AGAP3: variants seen among roughly 807,000 people sequenced by gnomAD.
The protein encoded by AGAP3 is arf-GAP with GTPase, ANK repeat and PH domain-containing protein 3.
In AGAP3, 24 loss-of-function variants were observed where a neutral mutation model predicts 96.9. That is an observed-to-expected ratio of 0.25 (90% confidence interval 0.18 to 0.35). The LOEUF is 0.35. Ranked by LOEUF, AGAP3 falls within the 10% of genes least tolerant of loss-of-function variation. The pLI, the probability that AGAP3 is intolerant of heterozygous loss-of-function variation, is 1.00. For synonymous variants in AGAP3, 563 were observed against 536.1 expected, an observed-to-expected ratio of 1.05 and a Z score of -0.69; for missense variants, 876 against 1,254.2, an observed-to-expected ratio of 0.70 and a Z score of 4.55.
chr7:151,128,729 G>A (rs991236265), intron 10 of AGAP3, 45 bp downstream of exon 10: 18 of 1,499,210 alleles, frequency 1.2e-5, no homozygotes, highest in African/African-American at 2.8e-5. Context: ...TGGGGAGGGG[G>A]TGGAGGGAGG....
chr7:151,135,567 G>GT (rs1208952145), intron 11 of AGAP3, among the ~76,000 whole-genome samples: 1 of 152,248 alleles, frequency 6.6e-6, no homozygotes, highest in East Asian at 1.9e-4. Flanking sequence ...GAAAGCCCAG[G>GT]TTAGAGGGAA....
In AGAP3 at chr7:151,143,844, C is replaced by T. The variant is rs1369544055; in HGVS notation, c.2637C>T (p.Cys879=). 1.9e-6 allele frequency: 3 copies of T among 1,613,896 alleles called. No homozygotes were observed. The highest frequency in any genetic ancestry group is 2.5e-6 in the Non-Finnish European group (3 of 1,180,030). Residue 879 remains cysteine (C), a synonymous_variant, in exon 18 of 18, where the codon TGC becomes TGT. Transcript: ENST00000397238. The surrounding 1 kb of genome is among the most constrained non-coding windows in gnomAD (Gnocchi z 5.9). The part of the protein sequence containing the change: ...ECADILIQHG[C]PGEGCGLAPT... The stretch of plus-strand genomic sequence containing the variant: ...CAGACATCTTGATCCAGCATGGCTG[C>T]CCTGGGGAGGGCTGTGGCTTAGCGC...
intron 8 of AGAP3, among the ~76,000 whole-genome samples, 186 bp downstream of exon 8, chr7:151,120,331 C>T (rs1585080859): frequency 1.3e-5 from 2 of 152,212 alleles, no homozygotes; most frequent in African/African-American, 4.8e-5. Flanking sequence ...CCAGACTGTT[C>T]TCTGCACCCA....
At chr7:151,093,436 C>T (rs1363630453) in intron 1 of AGAP3, among the ~76,000 whole-genome samples, 2 of 152,132 alleles carry the variant, frequency 1.3e-5, no homozygotes, top group East Asian at 1.9e-4. Context: ...CCACCACGTC[C>T]GTGCCCAAAT....
intron 1 of AGAP3, among the ~76,000 whole-genome samples, chr7:151,092,674 C>G (rs10279150): frequency 0.027 from 4,169 of 152,198 alleles, 188 homozygotes; most frequent in East Asian, 0.2. Flanking sequence ...TTTGGATTTG[C>G]AAGTATTTCC....
chr7:151,109,026 A>G (rs1799170411), intron 1 of AGAP3, among the ~76,000 whole-genome samples: 1 of 152,154 alleles, frequency 6.6e-6, no homozygotes, highest in Non-Finnish European at 1.5e-5. Context: ...GGTGGTTTGA[A>G]ACAACCTAAG....
Position 151,120,044 on chromosome 7 carries a change from C to T in AGAP3, c.1027C>T (p.Pro343Ser). 1 of 1,614,034 alleles carries T rather than the reference C, an allele frequency of 6.2e-7. No homozygotes were observed. The highest frequency in any genetic ancestry group is 8.5e-7 in the Non-Finnish European group (1 of 1,179,942). ...CTACTCGTCCTCAGTCCCCTCCACC[C>T]CCAGCATCAGCCAGCGGGAGCTGCG... ...SDYSSSVPST[P>S]SISQRELRIE... Residue 343 changes from proline (P) to serine (S), a missense_variant, in exon 8 of 18, where the codon CCC becomes TCC. Pro to Ser is a moderately conservative substitution (Grantham distance 74). Around this residue, in one of 8 missense-constraint regions of AGAP3, gnomAD observed 100 missense variants for 129.4 expected, o/e 0.77. Transcript: ENST00000397238.
chr7:151,118,075 C>A lies in AGAP3; in HGVS notation c.707-135C>A. ...TGGAAGGGTTGAAATGAGACCCAGG[C>A]ACCCGCGTTCTTGGTGCTCTGTGTG... On this transcript the variant is annotated intron_variant, in intron 5 of 17. Transcript: ENST00000397238. The surrounding 1 kb of genome is among the most constrained non-coding windows in gnomAD (Gnocchi z 6.1). 1.6e-6 allele frequency: 2 copies of A among 1,218,492 alleles called. No homozygotes were observed. Among genetic ancestry groups the A allele is most frequent in the Non-Finnish European group, 1.1e-6 (1 of 879,706 alleles). The allele number at this position is 1,218,492 out of a possible 1,614,324, so 75.5% of individuals were successfully genotyped here. A position where few individuals can be genotyped will look rare whatever the true frequency, so the allele number is the denominator to read the frequency against.
chr7:151,123,828 A>C lies in AGAP3; in HGVS notation c.1163A>C (p.Lys388Thr), dbSNP rs775544260. 1 of 1,612,686 alleles carries C rather than the reference A, an allele frequency of 6.2e-7. No individual in the cohort carries two copies. Among genetic ancestry groups the C allele is most frequent in the Admixed American group, 1.7e-5 (1 of 60,010 alleles). The change falls in exon 9 of 18, where the codon AAG becomes ACG. Residue 388 changes from lysine to threonine, a missense_variant. Around this residue, in one of 8 missense-constraint regions of AGAP3, gnomAD observed 49 missense variants for 41.7 expected, o/e 1.17. Transcript: ENST00000397238. ...RKGADLDREK[K>T]AAECKVDSIG... is the part of the protein sequence containing the mutation. ...GGTGCTGACCTGGACCGGGAGAAGA[A>C]GGCTGCCGAGTGCAAGGTGGACAGC...
rs1585072146 is a variant in AGAP3 at position 151,116,435 on chromosome 7, C to T, written c.332-358C>T. On this transcript the variant is annotated intron_variant, in intron 1 of 17. Coordinates refer to ENST00000397238, the MANE Select transcript of AGAP3 (RefSeq NM_031946.7). ...TCTGTTCTGAGACCTGCTGGAGTGG[C>T]CTCTAACCTGGGCCTGGTATTTGGG... 6 of 330,712 alleles carry T rather than the reference C, an allele frequency of 1.8e-5. No homozygotes were observed. In the East Asian group the frequency reaches 2.5e-4, roughly 14 times the overall value. The allele number at this position is 330,712 out of a possible 1,614,324, so 20.5% of individuals were successfully genotyped here.
At chr7:151,109,716 G>C (rs1253802607) in intron 1 of AGAP3, among the ~76,000 whole-genome samples, 2 of 152,312 alleles carry the variant, frequency 1.3e-5, no homozygotes, top group Non-Finnish European at 2.9e-5. Flanking sequence ...AGGTCTCTTA[G>C]AGGGGAGATG....
chr7:151,124,238 T>C (rs529149347), intron 9 of AGAP3, among the ~76,000 whole-genome samples: 4 of 152,282 alleles, frequency 2.6e-5, no homozygotes, highest in African/African-American at 7.2e-5. Context: ...CCGAGAAGCC[T>C]GCGTGGAAGG....
intron 9 of AGAP3, among the ~76,000 whole-genome samples, chr7:151,125,043 A>G (rs1189097745): frequency 6.6e-6 from 1 of 152,170 alleles, no homozygotes; most frequent in Non-Finnish European, 1.5e-5. Flanking sequence ...GTGCGTGTGT[A>G]TGTGTGTCTT....
intron 11 of AGAP3, among the ~76,000 whole-genome samples, chr7:151,135,876 T>C (rs911941493): frequency 1.3e-5 from 2 of 152,106 alleles, no homozygotes; most frequent in African/African-American, 4.8e-5. Context: ...AGACCTAGGG[T>C]TCAACCTAAC....
intron 1 of AGAP3, among the ~76,000 whole-genome samples, chr7:151,095,362 T>C (rs1798559457): frequency 6.6e-6 from 1 of 152,182 alleles, no homozygotes; most frequent in Non-Finnish European, 1.5e-5. Flanking sequence ...CAGATGGCTG[T>C]ACCTTAGGGC....
intron 10 of AGAP3, among the ~76,000 whole-genome samples, 190 bp downstream of exon 10, chr7:151,128,874 C>T (rs1041827418): frequency 3.9e-5 from 6 of 152,214 alleles, no homozygotes; most frequent in Admixed American, 2.6e-4. Context: ...CTGGCCCCTC[C>T]CTTGCCCTCT....
At chr7:151,106,399 C>T (rs1311156566) in intron 1 of AGAP3, among the ~76,000 whole-genome samples, 1 of 152,122 alleles carries the variant, frequency 6.6e-6, no homozygotes, top group Non-Finnish European at 1.5e-5. Context: ...GTGGCACAAC[C>T]TCGGCTCACT....
rs1294191623 is a variant in AGAP3, at chr7:151,124,206, C to T, written c.1221+320C>T. ...GTTGGGTCTGGAGAGGGTTGAGTGGCTCTCTAAGGAAAATGAGCAACCCGA... is the reference window on the plus strand; with the variant it reads ...GTTGGGTCTGGAGAGGGTTGAGTGGTTCTCTAAGGAAAATGAGCAACCCGA... On this transcript the variant is annotated intron_variant, in intron 9 of 17. Transcript: ENST00000397238. Among the ~76,000 whole-genome samples, 4 of 152,214 alleles carry T rather than the reference C, an allele frequency of 2.6e-5. No individual in the cohort carries two copies. The East Asian group carries it at 7.7e-4, about 29-fold the overall frequency.
Position 151,142,627 on chromosome 7 carries a change from G to T in AGAP3, c.2266G>T (p.Ala756Ser). ...TGGCTACTCCAAGCCAGGGCCTGATGCCTGCAGGTGAGCAGATGGTGCCCT... is the reference window on the plus strand; with the variant it reads ...TGGCTACTCCAAGCCAGGGCCTGATTCCTGCAGGTGAGCAGATGGTGCCCT... The part of the protein sequence containing the change: ...LGGYSKPGPD[A>S]CREEKERWIR... Residue 756 changes from alanine to serine, a missense_variant, in exon 16 of 18, where the codon GCC becomes TCC. Physicochemically the swap from Ala to Ser is moderately conservative, Grantham distance 99. Transcript: ENST00000397238. The surrounding 1 kb of genome is among the most constrained non-coding windows in gnomAD (Gnocchi z 7.5). 1 of 1,612,056 alleles carries T rather than the reference G, an allele frequency of 6.2e-7. No homozygotes were observed.
Sources: gnomAD v4.1 joint callset for allele counts (sites outside exome capture counted in the v4.1 genomes callset) on GRCh38, gnomAD v4.1.1 for gene constraint, gnomAD v4.1.1 regional missense constraint, Gnocchi (gnomAD v3.1) non-coding constraint, MANE v1.5 for transcripts, NCBI Gene and HGNC (gene_info 2026-07-23, HGNC 2026-07-21) for gene names.